Variants in TG observed in about 807,000 individuals in gnomAD.
TG encodes thyroglobulin.
A neutral mutation model predicts 324.7 loss-of-function variants in TG; 270 were observed. That is an observed-to-expected ratio of 0.83 (90% CI 0.75 to 0.92). The LOEUF (loss-of-function observed/expected upper bound fraction) is 0.92, where lower values mean the gene tolerates loss of function less well. Among genes scored for constraint, TG ranks in the 40% least tolerant of loss-of-function variants. The probability of loss-of-function intolerance (pLI) is 0.00; values close to 1 mark genes in which losing one functional copy is unlikely to be tolerated. For synonymous variants in TG, 1,401 were observed against 1,327.0 expected, an observed-to-expected ratio of 1.06 and a Z score of -1.21; for missense variants, 3,591 against 3,456.4, an observed-to-expected ratio of 1.04 and a Z score of -0.98.
intron 27 of TG, among the ~76,000 whole-genome samples, chr8:132,955,906 C>T (rs1826795497): frequency 6.6e-6 from 1 of 152,222 alleles, no homozygotes; most frequent in Admixed American, 6.5e-5. Context: ...GTGCCCAGAC[C>T]CTCAAGTTCT....
At chr8:132,917,081 CCTTCCCTTA>C in intron 20 of TG, among the ~76,000 whole-genome samples, 1 of 137,084 alleles carries the variant, frequency 7.3e-6, no homozygotes, top group Admixed American at 7.9e-5. Flanking sequence ...TTCCTTCCTT[CCTTCCCTTA>C]CTTCCTTTTT....
chr8:133,058,229 G>A (rs766308862), intron 41 of TG, among the ~76,000 whole-genome samples: 21 of 152,268 alleles, frequency 1.4e-4, no homozygotes, highest in Non-Finnish European at 2.6e-4. Context: ...ACCAATGATC[G>A]GGGGAACGTT....
chr8:133,022,167 G>A lies in TG; in HGVS notation c.7036+17G>A, dbSNP rs748545406. 1.2e-6 allele frequency: 2 copies of A among 1,613,782 alleles called. No homozygotes were observed. The highest frequency in any genetic ancestry group is 3.3e-5 in the Admixed American group (2 of 60,024). On this transcript the variant is annotated intron_variant, in intron 40 of 47. Coordinates refer to ENST00000220616, the MANE Select transcript of TG (RefSeq NM_003235.5). Reference sequence around the variant, plus strand: ...TGAGTTCTGGTGAGTTGCTGCCTCTGGTGGGAGCTGCTGACCCCCTGAGCC... The same window carrying A: ...TGAGTTCTGGTGAGTTGCTGCCTCTAGTGGGAGCTGCTGACCCCCTGAGCC...
intron 41 of TG, chr8:133,049,201 G>T (rs768783017): frequency 4.4e-6 from 2 of 454,968 alleles, no homozygotes; most frequent in Non-Finnish European, 8.8e-6. Flanking sequence ...GGAAAGCAGG[G>T]TGCTTATTTT....
At position 133,133,466 on chromosome 8, in the gene TG, C is replaced by G; in HGVS notation, c.7998-4C>G. ...TGGATATTTCTTTCTTCTCATTTGC[C>G]CAGAAATCCCAACTACCCTTATGAG... On this transcript the variant is annotated splice_polypyrimidine_tract_variant and splice_region_variant and intron_variant, in intron 46 of 47. Transcript: ENST00000220616. 6.2e-7 allele frequency: 1 copy of G among 1,614,014 alleles called. No homozygotes were observed. The highest frequency in any genetic ancestry group is 8.5e-7 in the Non-Finnish European group (1 of 1,179,910).
intron 2 of TG, among the ~76,000 whole-genome samples, chr8:132,868,929 G>A (rs887127906): frequency 5.3e-5 from 8 of 152,088 alleles, no homozygotes; most frequent in South Asian, 2.1e-4. Flanking sequence ...ATATAACTGC[G>A]TTCTGGGAAA....
At chr8:132,956,586 G>A (rs558333938) in intron 27 of TG, among the ~76,000 whole-genome samples, 22 of 152,262 alleles carry the variant, frequency 1.4e-4, no homozygotes, top group African/African-American at 2.2e-4. Flanking sequence ...GGCATGCAAC[G>A]ACGCAGAGGC....
At chr8:133,001,521 TCTTC>T (rs923039514) in intron 35 of TG, among the ~76,000 whole-genome samples, 2 of 152,234 alleles carry the variant, frequency 1.3e-5, no homozygotes, top group African/African-American at 4.8e-5. Flanking sequence ...CTTTATTTGG[TCTTC>T]CTTCCTTCTG....
chr8:133,121,808 T>A (rs1851159800), intron 45 of TG, among the ~76,000 whole-genome samples: 1 of 152,246 alleles, frequency 6.6e-6, no homozygotes, highest in Non-Finnish European at 1.5e-5. Context: ...GAATGCATTC[T>A]TGACAACCCC....
intron 26 of TG, 80 bp from the exon 27 acceptor site, chr8:132,948,696 A>G (rs1282570649): frequency 1.8e-5 from 26 of 1,482,104 alleles, no homozygotes; most frequent in East Asian, 2.3e-5. Context: ...TTTATTTGCA[A>G]ATGCTCTCAG....
chr8:132,994,806 T>C (rs1343154307), intron 35 of TG: 1 of 1,285,838 alleles, frequency 7.8e-7, no homozygotes, highest in Non-Finnish European at 1.0e-6. Context: ...CATGGGAAGG[T>C]GAGATGGGGA....
At chr8:133,087,160 T>C (rs1489822234) in intron 41 of TG, among the ~76,000 whole-genome samples, 1 of 149,964 alleles carries the variant, frequency 6.7e-6, no homozygotes, top group Non-Finnish European at 1.5e-5. Flanking sequence ...CATTTAACAG[T>C]GGTTTTCTTT....
intron 35 of TG, among the ~76,000 whole-genome samples, chr8:132,984,801 G>A (rs2130706232): frequency 6.6e-6 from 1 of 152,078 alleles, no homozygotes; most frequent in East Asian, 1.9e-4. Context: ...AATTAGTCAG[G>A]CATAGTAGCG....
At chr8:133,095,247 G>A (rs1363112868) in intron 42 of TG, 39 bp downstream of exon 42, 7 of 1,613,914 alleles carry the variant, frequency 4.3e-6, no homozygotes, top group Non-Finnish European at 5.9e-6. Context: ...GACATTCTCT[G>A]GTCTTTTACA....
At chr8:132,957,620 C>A (rs1424132299) in intron 27 of TG, among the ~76,000 whole-genome samples, 1 of 151,962 alleles carries the variant, frequency 6.6e-6, no homozygotes, top group African/African-American at 2.4e-5. Flanking sequence ...AGGTAAAGAC[C>A]TTCCTCTTGA....
At chr8:132,957,764 C>CACACACACACACACAG (rs1564002657) in intron 27 of TG, among the ~76,000 whole-genome samples, 3 of 135,294 alleles carry the variant, frequency 2.2e-5, no homozygotes, top group South Asian at 2.4e-4. Flanking sequence ...CACACACACA[C>CACACACACACACACAG]ACACACACAC....
intron 15 of TG, 55 bp from the exon 16 acceptor site, chr8:132,901,296 ATC>A (rs1364930130): frequency 1.2e-6 from 2 of 1,603,864 alleles, no homozygotes; most frequent in African/African-American, 2.7e-5. Context: ...GTGATTGGGC[ATC>A]TGAGCAGGGA....
intron 40 of TG, among the ~76,000 whole-genome samples, chr8:133,029,393 C>A (rs1306416167): frequency 1.3e-5 from 2 of 152,160 alleles, no homozygotes; most frequent in Middle Eastern, 3.2e-3. Context: ...TCAGGGACAA[C>A]CACCTGAAGG....
At chr8:133,039,104 C>A (rs1837661885) in intron 41 of TG, among the ~76,000 whole-genome samples, 2 of 152,164 alleles carry the variant, frequency 1.3e-5, no homozygotes, top group Non-Finnish European at 2.9e-5. Context: ...GTCTCAAACT[C>A]CTGACCTTAG....
Sources: gnomAD v4.1 joint callset for allele counts (sites outside exome capture counted in the v4.1 genomes callset) on GRCh38, gnomAD v4.1.1 for gene constraint, MANE v1.5 for transcripts, NCBI Gene and HGNC (gene_info 2026-07-23, HGNC 2026-07-21) for gene names.